SLC36A4: variants seen among roughly 807,000 people sequenced by gnomAD.
The protein encoded by SLC36A4 is neutral amino acid uniporter 4.
A neutral mutation model predicts 50.5 loss-of-function variants in SLC36A4; 49 were observed. The ratio of observed to expected loss-of-function variants is 0.97; its 90% confidence interval spans 0.77 to 1.23. The LOEUF (loss-of-function observed/expected upper bound fraction) is 1.23. Ranked by LOEUF, SLC36A4 falls within the 50% of genes most tolerant of loss-of-function variation. The pLI is 0.00. For missense variants in SLC36A4, 611 were observed against 608.4 expected, an observed-to-expected ratio of 1.00 and a Z score of -0.05; for synonymous variants, 207 against 206.5, an observed-to-expected ratio of 1.00 and a Z score of -0.02.
At chr11:93,177,751 G>A (rs1415473417) in intron 6 of SLC36A4, among the ~76,000 whole-genome samples, 1 of 152,096 alleles carries the variant, frequency 6.6e-6, no homozygotes, top group Non-Finnish European at 1.5e-5. Context: ...CTCAGAGGGG[G>A]ACCCGGCTGT....
At position 93,166,429 on chromosome 11, in the gene SLC36A4, G is replaced by C. The variant is rs1006081123; in HGVS notation, c.769-413C>G. 7.1e-6 allele frequency: 7 copies of C among 988,930 alleles called. No individual in the cohort carries two copies. In the African/African-American group the frequency reaches 1.0e-4, roughly 15 times the overall value. The allele number at this position is 988,930 out of a possible 1,614,324, so 61.3% of individuals were successfully genotyped here. A position where few individuals can be genotyped will look rare whatever the true frequency, so the allele number is the denominator to read the frequency against. ...ATTCATTCTCCACTCTATTTTTATT[G>C]CTCTTTCAGTTCTCTAAGATACCTG... On this transcript the variant is annotated intron_variant, in intron 7 of 10. Coordinates refer to ENST00000326402, the MANE Select transcript of SLC36A4 (RefSeq NM_152313.4).
Position 93,183,265 on chromosome 11 carries a change from TC to T in SLC36A4, c.271-372del. On this transcript the variant is annotated intron_variant, in intron 3 of 10. Coordinates refer to ENST00000326402, the MANE Select transcript of SLC36A4 (RefSeq NM_152313.4). ...ATCTAAATCCCGAAAACGCACAATATCAAACGGAGACTGTGAGCAATTTATT... is the reference window on the plus strand; with the variant it reads ...ATCTAAATCCCGAAAACGCACAATATAAACGGAGACTGTGAGCAATTTATT... Among the ~76,000 whole-genome samples, 3 of 152,314 alleles carry T rather than the reference TC, an allele frequency of 2.0e-5. No individual in the cohort carries two copies. In the East Asian group the frequency reaches 5.8e-4, roughly 29 times the overall value.
chr11:93,195,933 T>C (rs1862401328), intron 1 of SLC36A4, among the ~76,000 whole-genome samples: 1 of 152,182 alleles, frequency 6.6e-6, no homozygotes, highest in South Asian at 2.1e-4. Flanking sequence ...TTGTTTTCCA[T>C]AGCACTTTTC....
rs1414775507 is a variant in SLC36A4 at position 93,147,746 on chromosome 11, T to G, written c.*791A>C. On this transcript the variant is annotated 3_prime_UTR_variant, in exon 11 of 11. Transcript: ENST00000326402. ...ATGTGAGAAATAAAACATCCTGGCC[T>G]GGGAGTCAGAAGATTAGGTTTTCTT... 6.6e-6 allele frequency: 1 copy of G among 152,148 alleles called. No individual in the cohort carries two copies. Among genetic ancestry groups the G allele is most frequent in the Non-Finnish European group, 1.5e-5 (1 of 68,006 alleles). The allele number at this position is 152,148 out of a possible 1,614,324, so 9.4% of individuals were successfully genotyped here. A position where few individuals can be genotyped will look rare whatever the true frequency, so the allele number is the denominator to read the frequency against.
intron 6 of SLC36A4, chr11:93,171,308 A>G (rs1196401768): frequency 2.6e-5 from 4 of 152,074 alleles, no homozygotes; most frequent in Non-Finnish European, 4.4e-5. Context: ...AAAGTCACCA[A>G]TTCTAAGCTT....
At chr11:93,180,240 CAT>C in intron 6 of SLC36A4, 3 of 984,892 alleles carry the variant, frequency 3.0e-6, no homozygotes, top group Non-Finnish European at 3.6e-6. Flanking sequence ...CATTGCTTTC[CAT>C]ATTTGTCCAA....
intron 1 of SLC36A4, among the ~76,000 whole-genome samples, chr11:93,187,247 TGAA>T (rs922072396): frequency 2.0e-5 from 3 of 152,218 alleles, no homozygotes; most frequent in Non-Finnish European, 4.4e-5. Context: ...CTAGAGTTCC[TGAA>T]GATATTTTCT....
chr11:93,166,158 T>C (rs1270515778), intron 7 of SLC36A4, 142 bp from the exon 8 acceptor site: 9 of 1,294,312 alleles, frequency 7.0e-6, no homozygotes, highest in Non-Finnish European at 8.0e-6. Context: ...AACAAACACT[T>C]AAAGCATCCT....
intron 6 of SLC36A4, among the ~76,000 whole-genome samples, chr11:93,174,776 C>T (rs1182523556): frequency 1.4e-5 from 2 of 145,732 alleles, no homozygotes; most frequent in African/African-American, 5.1e-5. Context: ...ATTGAACCAG[C>T]CTTGCATCCC....
At chr11:93,189,036 G>A (rs1454949643) in intron 1 of SLC36A4, among the ~76,000 whole-genome samples, 1 of 151,392 alleles carries the variant, frequency 6.6e-6, no homozygotes, top group East Asian at 1.9e-4. Flanking sequence ...ATTGGATTAG[G>A]GACCCTCCCT....
Position 93,190,420 on chromosome 11 carries a change from G to A in SLC36A4, c.56-4606C>T, listed in dbSNP as rs182183457. Among the ~76,000 whole-genome samples the A allele has an allele frequency of 2.0e-3, 298 of 152,150 alleles. 1 individual carries two copies. The highest frequency in any genetic ancestry group is 3.7e-3 in the Non-Finnish European group (254 of 67,984). ...AAAAGGATAAATATTTGAGATAATG[G>A]ATATCCCAATTATCCTGATTTGATC... On this transcript the variant is annotated intron_variant, in intron 1 of 10. Transcript: ENST00000326402.
chr11:93,180,386 T>C, intron 6 of SLC36A4: 1 of 905,082 alleles, frequency 1.1e-6, no homozygotes, highest in Non-Finnish European at 1.3e-6. Flanking sequence ...ACAATGGCTA[T>C]AATTACCAGA....
intron 10 of SLC36A4, among the ~76,000 whole-genome samples, chr11:93,150,483 T>C (rs140820956): frequency 1.0e-3 from 152 of 152,180 alleles, no homozygotes; most frequent in African/African-American, 3.5e-3. Context: ...GAAGTTATTA[T>C]TTATCATTCT....
chr11:93,147,867 TAA>T lies in SLC36A4; in HGVS notation c.*668_*669del, dbSNP rs1313007305. 3 of 152,128 alleles carry T rather than the reference TAA, an allele frequency of 2.0e-5. No individual in the cohort carries two copies. The highest frequency in any genetic ancestry group is 4.4e-5 in the Non-Finnish European group (3 of 68,024). 9.4% of individuals were successfully genotyped at this position (152,128 alleles called of 1,614,324 possible). On this transcript the variant is annotated 3_prime_UTR_variant, in exon 11 of 11. Coordinates refer to ENST00000326402, the MANE Select transcript of SLC36A4 (RefSeq NM_152313.4). ...CAAGGGAGTTGCACTGGATAAGTTT[TAA>T]AGTCCCTTTTCAAATTTCATTGAAA...
intron 1 of SLC36A4, among the ~76,000 whole-genome samples, chr11:93,188,838 G>T (rs971576919): frequency 2.0e-5 from 3 of 152,202 alleles, no homozygotes; most frequent in South Asian, 4.2e-4. Flanking sequence ...TTGCCTCAAA[G>T]TTCTAGAGGC....
chr11:93,182,319 C>A (rs1861773886), intron 4 of SLC36A4: 3 of 831,084 alleles, frequency 3.6e-6, no homozygotes, highest in Non-Finnish European at 2.9e-6. Context: ...ATAACAACAA[C>A]AAAAAAGAGT....
At chr11:93,159,258 G>A (rs973623945) in intron 9 of SLC36A4, among the ~76,000 whole-genome samples, 8 of 151,902 alleles carry the variant, frequency 5.3e-5, no homozygotes, top group African/African-American at 1.9e-4. Context: ...CAGATTATAG[G>A]GAGAAAACAA....
At chr11:93,174,911 T>G (rs1223655133) in intron 6 of SLC36A4, among the ~76,000 whole-genome samples, 1 of 146,476 alleles carries the variant, frequency 6.8e-6, no homozygotes, top group Non-Finnish European at 1.5e-5. Context: ...AAATTCTCTT[T>G]TTTGGTTGTG....
rs1861987160 is a variant in SLC36A4, at chr11:93,186,508, T to A, written c.56-694A>T. On this transcript the variant is annotated intron_variant, in intron 1 of 10. Transcript: ENST00000326402. Reference sequence around the variant, plus strand: ...ATATTTTTTATGATGCCTTTAATCATCTTTTTTTCTTACTTAATTTTTTAC... The same window carrying A: ...ATATTTTTTATGATGCCTTTAATCAACTTTTTTTCTTACTTAATTTTTTAC... 2.0e-5 allele frequency among the ~76,000 whole-genome samples: 3 copies of A among 152,216 alleles called. No individual in the cohort carries two copies. In the South Asian group the frequency reaches 6.2e-4, roughly 32 times the overall value.
Sources: gnomAD v4.1 joint callset for allele counts (sites outside exome capture counted in the v4.1 genomes callset) on GRCh38, gnomAD v4.1.1 for gene constraint, MANE v1.5 for transcripts, NCBI Gene and HGNC (gene_info 2026-07-23, HGNC 2026-07-21) for gene names.